GABRA3: variants seen among roughly 807,000 people sequenced by gnomAD.
GABRA3 encodes the protein gamma-aminobutyric acid type A receptor subunit alpha3.
In GABRA3, 10 loss-of-function variants were observed where a neutral mutation model predicts 30.1. The ratio of observed to expected loss-of-function variants is 0.33; its 90% CI spans 0.20 to 0.56. GABRA3 has a LOEUF of 0.56. GABRA3 is among the 20% of genes least tolerant of loss of function. The probability of loss-of-function intolerance (pLI) is 0.89; values close to 1 mark genes in which losing one functional copy is unlikely to be tolerated. For synonymous variants in GABRA3, 151 were observed against 146.8 expected (o/e 1.03, Z -0.21); for missense variants, 233 against 392.0 (o/e 0.59, Z 3.42).
chrX:152,403,619 T>C (rs1929852315), intron 1 of GABRA3, among the ~76,000 whole-genome samples: 1 of 108,740 alleles, frequency 9.2e-6, no homozygotes, highest in African/African-American at 3.4e-5. Context: ...CCAACGCAAA[T>C]AGGATTTGAA....
At chrX:152,320,948 G>A (rs1939954337) in intron 3 of GABRA3, among the ~76,000 whole-genome samples, 1 of 111,379 alleles carries the variant, frequency 9.0e-6, no homozygotes, top group South Asian at 3.7e-4. Context: ...AAATAAACAT[G>A]CTAAAATAAA....
chrX:152,320,311 G>A (rs1939942355), intron 3 of GABRA3, among the ~76,000 whole-genome samples: 2 of 111,821 alleles, frequency 1.8e-5, no homozygotes, highest in Admixed American at 1.9e-4. Context: ...GCAAAAATAT[G>A]GAACCAGCCC....
At chrX:152,198,645 C>G in intron 7 of GABRA3, among the ~76,000 whole-genome samples, 1 of 112,118 alleles carries the variant, frequency 8.9e-6, no homozygotes, top group Middle Eastern at 4.6e-3. Flanking sequence ...TCTGGTTTCT[C>G]TCCTACTTCA....
At chrX:152,270,102 G>C (rs1175508146) in intron 4 of GABRA3, among the ~76,000 whole-genome samples, 2 of 111,797 alleles carry the variant, frequency 1.8e-5, no homozygotes, top group Non-Finnish European at 3.8e-5. Flanking sequence ...CATACGATAT[G>C]GTTTGGCTGT....
intron 9 of GABRA3, among the ~76,000 whole-genome samples, chrX:152,184,207 A>G (rs1446834987): frequency 3.6e-5 from 4 of 111,371 alleles, no homozygotes; most frequent in Non-Finnish European, 7.6e-5. Flanking sequence ...AATTCCCTAA[A>G]TTATGTCTGT....
At chrX:152,285,368 T>G (rs900887013) in intron 3 of GABRA3, among the ~76,000 whole-genome samples, 6 of 111,558 alleles carry the variant, frequency 5.4e-5, no homozygotes, top group Non-Finnish European at 9.4e-5. Context: ...AAATAATTTT[T>G]GGGGGGGTTA....
chrX:152,439,185 C>CGG (rs1569425228), intron 1 of GABRA3, among the ~76,000 whole-genome samples: 1 of 110,236 alleles, frequency 9.1e-6, no homozygotes, highest in African/African-American at 3.3e-5. Flanking sequence ...TGGAGTGCAG[C>CGG]GGCACAATCT....
intron 1 of GABRA3, among the ~76,000 whole-genome samples, chrX:152,414,384 AT>A (rs1930153200): frequency 9.0e-6 from 1 of 111,614 alleles, no homozygotes; most frequent in Non-Finnish European, 1.9e-5. Flanking sequence ...TCAAAGTGTC[AT>A]TCTTTCACCA....
intron 1 of GABRA3, among the ~76,000 whole-genome samples, chrX:152,368,234 C>A (rs976071994): frequency 1.8e-5 from 2 of 111,698 alleles, no homozygotes; most frequent in Non-Finnish European, 3.8e-5. Flanking sequence ...ATCTCTTGGA[C>A]TTATTCCTCC....
intron 5 of GABRA3, among the ~76,000 whole-genome samples, chrX:152,228,924 A>C (rs1938015784): frequency 9.0e-6 from 1 of 111,553 alleles, no homozygotes; most frequent in African/African-American, 3.3e-5. Context: ...AGATTAGAAA[A>C]AAAGAAATCA....
At chrX:152,190,191 G>A (rs1401529259) in intron 8 of GABRA3, among the ~76,000 whole-genome samples, 3 of 111,017 alleles carry the variant, frequency 2.7e-5, no homozygotes, top group African/African-American at 9.8e-5. Flanking sequence ...TTGTCCTCTA[G>A]CTTCTGCTTA....
chrX:152,178,116 G>A (rs1937097003), intron 9 of GABRA3, among the ~76,000 whole-genome samples: 1 of 111,675 alleles, frequency 9.0e-6, no homozygotes, highest in Non-Finnish European at 1.9e-5. Context: ...TCAGTGCTCT[G>A]TCTGTATATG....
In GABRA3 at chrX:152,364,483, C is replaced by G; in HGVS notation, c.88G>C (p.Gly30Arg). Residue 30 changes from glycine (G) to arginine (R), a missense_variant, in exon 2 of 10, where the codon GGG (glycine) becomes CGG (arginine). Around this residue, in one of 6 missense-constraint regions of GABRA3, gnomAD observed 69 missense variants for 79.4 expected, o/e 0.87. Coordinates refer to ENST00000370314, the MANE Select transcript of GABRA3 (RefSeq NM_000808.4). The part of the protein sequence containing the change: ...INILPGTTGQ[G>R]ESRRQEPGDF... ...CCGGGTTCTTGTCGTCTTGATTCCC[C>G]TTGACCAGTGGTTCCAGGGAGAATA... is the stretch of plus-strand genomic sequence containing the variant. 1 of 1,209,791 alleles carries G rather than the reference C, an allele frequency of 8.3e-7. No homozygotes were observed. Among genetic ancestry groups the G allele is most frequent in the Non-Finnish European group, 1.1e-6 (1 of 894,218 alleles).
chrX:152,292,844 C>G (rs1355324652), intron 3 of GABRA3, among the ~76,000 whole-genome samples: 5 of 111,705 alleles, frequency 4.5e-5, no homozygotes, highest in Non-Finnish European at 9.4e-5. Flanking sequence ...GTTCAGTTTC[C>G]ACGTAGCTGT....
chrX:152,344,904 T>C (rs1940368280), intron 3 of GABRA3, among the ~76,000 whole-genome samples: 1 of 111,880 alleles, frequency 8.9e-6, no homozygotes, highest in Non-Finnish European at 1.9e-5. Context: ...AATTTGAATA[T>C]GGACTACAGA....
At chrX:152,335,986 G>A (rs1239163061) in intron 3 of GABRA3, among the ~76,000 whole-genome samples, 2 of 111,602 alleles carry the variant, frequency 1.8e-5, no homozygotes, top group African/African-American at 6.5e-5. Context: ...CTCCCAAAGT[G>A]TTGGGATTAC....
At chrX:152,211,261 T>G (rs1400007534) in intron 6 of GABRA3, among the ~76,000 whole-genome samples, 1 of 109,312 alleles carries the variant, frequency 9.1e-6, no homozygotes, top group Non-Finnish European at 1.9e-5. Context: ...GCTGGATCTC[T>G]TAACTTAAGT....
chrX:152,448,634 C>G (rs1398590921), intron 1 of GABRA3, among the ~76,000 whole-genome samples: 2 of 111,880 alleles, frequency 1.8e-5, no homozygotes, highest in African/African-American at 6.5e-5. Context: ...GTAATTATTC[C>G]TGAGGTGTTT....
intron 1 of GABRA3, among the ~76,000 whole-genome samples, chrX:152,443,579 C>A (rs1367023196): frequency 9.0e-6 from 1 of 111,350 alleles, no homozygotes; most frequent in East Asian, 2.8e-4. Flanking sequence ...AGAAAAAAAT[C>A]CCCGGGCTTG....
Sources: gnomAD v4.1 joint callset for allele counts (sites outside exome capture counted in the v4.1 genomes callset) on GRCh38, gnomAD v4.1.1 for gene constraint, gnomAD v4.1.1 regional missense constraint, MANE v1.5 for transcripts, NCBI Gene and HGNC (gene_info 2026-07-23, HGNC 2026-07-21) for gene names.